DYNC1H1: variants seen among roughly 807,000 people sequenced by gnomAD.
DYNC1H1 encodes dynein cytoplasmic 1 heavy chain 1, also known as cytoplasmic dynein 1 heavy chain 1.
Under a neutral mutation model 527.1 loss-of-function variants are expected in DYNC1H1, and 51 were observed. The observed-to-expected ratio is 0.10, with a 90% confidence interval of 0.08 to 0.12. The LOEUF is 0.12. Ranked by LOEUF, DYNC1H1 falls within the 10% of genes least tolerant of loss-of-function variation. DYNC1H1 has a pLI of 1.00. For synonymous variants in DYNC1H1, 2,189 were observed against 2,278.8 expected, an observed-to-expected ratio of 0.96 and a Z score of 1.12; for missense variants, 2,771 against 5,971.8, an observed-to-expected ratio of 0.46 and a Z score of 17.66.
chr14:102,042,591 C>A lies in DYNC1H1; in HGVS notation c.12400-44C>A. 1 of 1,613,856 alleles carries A rather than the reference C, an allele frequency of 6.2e-7. No individual in the cohort carries two copies. The highest frequency in any genetic ancestry group is 8.5e-7 in the Non-Finnish European group (1 of 1,179,932). ...GTGTGTGGTGGAATTGAACAGGCGC[C>A]CTCATCCACACCCGAGCATAACTGG... On this transcript the variant is annotated intron_variant, in intron 68 of 77. Transcript: ENST00000360184. This position sits in a 1 kb window ranked among gnomAD's most constrained non-coding sequence, Gnocchi z 5.7.
At position 102,002,393 on chromosome 14, in the gene DYNC1H1, G is replaced by C; in HGVS notation, c.4543-144G>C. 8.6e-7 allele frequency: 1 copy of C among 1,156,734 alleles called. No individual in the cohort carries two copies. Among genetic ancestry groups the C allele is most frequent in the Non-Finnish European group, 1.3e-6 (1 of 790,690 alleles). 71.7% of individuals were successfully genotyped at this position (1,156,734 alleles called of 1,614,324 possible). A position where few individuals can be genotyped will look rare whatever the true frequency, so the allele number is the denominator to read the frequency against. The stretch of plus-strand genomic sequence containing the variant: ...CCCAAAATGCTGGGATTACAGGCGT[G>C]AGCCACCACACCCGTCTACTTGTTG... On this transcript the variant is annotated intron_variant, in intron 21 of 77. Coordinates refer to ENST00000360184, the MANE Select transcript of DYNC1H1 (RefSeq NM_001376.5). The surrounding 1 kb of genome is among the most constrained non-coding windows in gnomAD (Gnocchi z 4.4).
At position 101,978,086 on chromosome 14, in the gene DYNC1H1, G is replaced by A. The variant is rs377581060; in HGVS notation, c.345-1233G>A. 3.6e-4 allele frequency among the ~76,000 whole-genome samples: 54 copies of A among 152,060 alleles called. No individual in the cohort carries two copies. The East Asian group carries it at 9.7e-3, about 27-fold the overall frequency. On this transcript the variant is annotated intron_variant, in intron 2 of 77. Coordinates refer to ENST00000360184, the MANE Select transcript of DYNC1H1 (RefSeq NM_001376.5). The stretch of plus-strand genomic sequence containing the variant: ...TTCTTTCTTCTTGAGACGAAGTCTC[G>A]CTCTGTCGCCCAGTCTGGAGTGCAG...
chr14:101,984,924 C>T (rs1395101338), intron 7 of DYNC1H1, among the ~76,000 whole-genome samples: 1 of 124,936 alleles, frequency 8.0e-6, no homozygotes, highest in African/African-American at 3.2e-5. Context: ...CAGAGGGAGG[C>T]TCCGTCTCAA....
chr14:101,995,773 A>G (rs960941301), intron 15 of DYNC1H1, among the ~76,000 whole-genome samples: 1 of 152,064 alleles, frequency 6.6e-6, no homozygotes, highest in Non-Finnish European at 1.5e-5. Context: ...GTTAAAACTT[A>G]GTGTAGGCCA....
At chr14:101,978,555 C>T (rs2047828091) in intron 2 of DYNC1H1, among the ~76,000 whole-genome samples, 1 of 152,082 alleles carries the variant, frequency 6.6e-6, no homozygotes, top group African/African-American at 2.4e-5. Flanking sequence ...TTAATTTAAC[C>T]AACTTTGAGT....
intron 1 of DYNC1H1, among the ~76,000 whole-genome samples, chr14:101,974,962 A>T (rs565912118): frequency 1.3e-5 from 2 of 152,320 alleles, no homozygotes; most frequent in Admixed American, 1.3e-4. Context: ...ACAGACTCAG[A>T]TAAGTGGTGT....
Position 102,020,976 on chromosome 14 carries a change from G to A in DYNC1H1, c.8507+920G>A, listed in dbSNP as rs1368346921. ...GCAGGCAAGGCAGAGTGCAGAGTAT[G>A]TTGGCTGTGGCAGCCCTGTTTTTAT... On this transcript the variant is annotated intron_variant, in intron 42 of 77. Coordinates refer to ENST00000360184, the MANE Select transcript of DYNC1H1 (RefSeq NM_001376.5). This position sits in a 1 kb window ranked among gnomAD's most constrained non-coding sequence, Gnocchi z 4.3. Among the ~76,000 whole-genome samples the A allele has an allele frequency of 6.6e-6, 1 of 152,168 alleles. No individual in the cohort carries two copies. The highest frequency in any genetic ancestry group is 1.5e-5 in the Non-Finnish European group (1 of 68,028).
chr14:102,032,681 G>T, intron 52 of DYNC1H1: 3 of 644,486 alleles, frequency 4.7e-6, no homozygotes, highest in Non-Finnish European at 8.1e-6. Flanking sequence ...GCGACACCCT[G>T]TCTCTACAAA....
In DYNC1H1 at chr14:102,016,561, C is replaced by T; in HGVS notation, c.7614+72C>T. 1 of 1,612,248 alleles carries T rather than the reference C, an allele frequency of 6.2e-7. No individual in the cohort carries two copies. Among genetic ancestry groups the T allele is most frequent in the Non-Finnish European group, 8.5e-7 (1 of 1,178,532 alleles). On this transcript the variant is annotated intron_variant, in intron 37 of 77. Coordinates refer to ENST00000360184, the MANE Select transcript of DYNC1H1 (RefSeq NM_001376.5). This position sits in a 1 kb window ranked among gnomAD's most constrained non-coding sequence, Gnocchi z 7.3. ...TTTAACTCATCCTGGAACAAGCTGA[C>T]CATGGACCTTGGCTTCGTCTTTTCA...
intron 43 of DYNC1H1, among the ~76,000 whole-genome samples, chr14:102,025,484 C>T (rs145086435): frequency 0.12 from 17,831 of 148,516 alleles, 1,714 homozygotes; most frequent in African/African-American, 0.27. Flanking sequence ...ATCACTTGAA[C>T]CCAGGAGGCA....
chr14:101,988,785 CAGA>C lies in DYNC1H1; in HGVS notation c.2804_2806del (p.Glu935del). ...CTTCTTGGACAAGCTGAAGATAAAG[CAGA>C]AGTTGACATGGACACAGATGCTCCA... is the stretch of plus-strand genomic sequence containing the variant. On this transcript the variant is annotated inframe_deletion, in exon 10 of 78. Coordinates refer to ENST00000360184, the MANE Select transcript of DYNC1H1 (RefSeq NM_001376.5). The C allele has an allele frequency of 6.2e-7, 1 of 1,614,170 alleles. No individual in the cohort carries two copies. Among genetic ancestry groups the C allele is most frequent in the Non-Finnish European group, 8.5e-7 (1 of 1,180,036 alleles).
intron 72 of DYNC1H1, chr14:102,045,275 C>T: frequency 6.3e-6 from 1 of 159,806 alleles, no homozygotes; most frequent in Non-Finnish European, 1.4e-5. Context: ...TCTACTCTAG[C>T]CTGGGCAACA....
At chr14:102,009,749 G>C in intron 29 of DYNC1H1, 94 bp from the exon 30 acceptor site, 2 of 1,597,882 alleles carry the variant, frequency 1.3e-6, no homozygotes, top group Admixed American at 1.7e-5. Context: ...CTGGGAGAAC[G>C]AGAGCTTTGT....
intron 69 of DYNC1H1, chr14:102,043,433 A>G (rs954287391): frequency 3.3e-6 from 1 of 305,602 alleles, no homozygotes; most frequent in African/African-American, 2.2e-5. Flanking sequence ...GCCCACGGAG[A>G]AGCTGGGACT....
chr14:101,987,895 T>C (rs1349600523), intron 9 of DYNC1H1, among the ~76,000 whole-genome samples: 3 of 152,222 alleles, frequency 2.0e-5, no homozygotes, highest in Middle Eastern at 3.4e-3. Flanking sequence ...CTGGGCAACA[T>C]GGCAAGACCC....
In DYNC1H1 at chr14:102,001,807, T is replaced by C. The variant is rs946961682; in HGVS notation, c.4542+126T>C. ...TATTTTTTGAGACAGGGTCTCACTC[T>C]GTCTCCCACGCTGGAGTGCAGTGGC... On this transcript the variant is annotated intron_variant, in intron 21 of 77. Transcript: ENST00000360184. The surrounding 1 kb of genome is among the most constrained non-coding windows in gnomAD (Gnocchi z 5.0). The C allele has an allele frequency of 1.5e-6, 2 of 1,337,816 alleles. No individual in the cohort carries two copies. The highest frequency in any genetic ancestry group is 1.4e-5 in the African/African-American group (1 of 68,966). The allele number at this position is 1,337,816 out of a possible 1,614,324, so 82.9% of individuals were successfully genotyped here. A position where few individuals can be genotyped will look rare whatever the true frequency, so the allele number is the denominator to read the frequency against.
Position 102,028,184 on chromosome 14 carries a change from C to T in DYNC1H1, c.9468+43C>T, listed in dbSNP as rs147162427. On this transcript the variant is annotated intron_variant, in intron 48 of 77. Transcript: ENST00000360184. ...ATCAACAGATAAACCACAAAACTAA[C>T]CATCATGCTAATATAAAACTAAATT... The T allele has an allele frequency of 1.3e-4, 202 of 1,601,352 alleles. 1 individual carries two copies. In the African/African-American group the frequency reaches 2.4e-3, roughly 19 times the overall value.
At chr14:101,966,435 T>C (rs1176070115) in intron 1 of DYNC1H1, among the ~76,000 whole-genome samples, 7 of 151,346 alleles carry the variant, frequency 4.6e-5, no homozygotes, top group African/African-American at 9.7e-5. Context: ...TATCTACTCT[T>C]TTTTTTTTCC....
chr14:102,009,902 G>A lies in DYNC1H1; in HGVS notation c.6037G>A (p.Ala2013Thr). 6.2e-7 allele frequency: 1 copy of A among 1,614,052 alleles called. No individual in the cohort carries two copies. Among genetic ancestry groups the A allele is most frequent in the Non-Finnish European group, 8.5e-7 (1 of 1,180,022 alleles). ...ACAAGTCAAGGTGAGCCCGGACATG[G>A]CCATCTTCATCACCATGAACCCTGG... Reference protein sequence around the residue: ...NKQVKVSPDMAIFITMNPGYA... With the variant: ...NKQVKVSPDMTIFITMNPGYA... The change falls in exon 30 of 78, where the codon GCC becomes ACC. Residue 2013 changes from alanine (A) to threonine (T), a missense_variant. By Grantham distance (58) the Ala-to-Thr change is moderately conservative. This residue lies in a region of DYNC1H1 where 39 missense variants were observed against 38.8 expected (regional missense o/e 1.00). Coordinates refer to ENST00000360184, the MANE Select transcript of DYNC1H1 (RefSeq NM_001376.5).
Sources: allele counts gnomAD v4.1 joint callset (sites outside exome capture counted in the v4.1 genomes callset), GRCh38; gene constraint gnomAD v4.1.1; regional missense constraint gnomAD v4.1.1; non-coding constraint Gnocchi (gnomAD v3.1); transcripts MANE v1.5; gene names NCBI Gene and HGNC (gene_info 2026-07-23, HGNC 2026-07-21).